The following SNX11 variants were observed in gnomAD, a reference collection of about 807,000 sequenced individuals.
SNX11 encodes the protein sorting nexin 11.
Under a neutral mutation model 30.7 loss-of-function variants are expected in SNX11, and 19 were observed. That is an observed-to-expected ratio of 0.62 (90% CI 0.43 to 0.91). The LOEUF (loss-of-function observed/expected upper bound fraction) is 0.91. SNX11 is among the 40% of genes least tolerant of loss of function. The pLI is 0.00. For missense variants in SNX11, 302 were observed against 326.7 expected (o/e 0.92, Z 0.58); for synonymous variants, 112 against 119.0 (o/e 0.94, Z 0.38).
chr17:48,120,732 C>A (rs10853096), intron 6 of SNX11, among the ~76,000 whole-genome samples: 150,961 of 150,986 alleles, frequency 1, 75,468 homozygotes, highest in Middle Eastern at 1. Context: ...GGATGGCCTC[C>A]ATCTCCTGAC....
chr17:48,123,447 T>G lies in SNX11; in HGVS notation c.*1939T>G, dbSNP rs1398077807. 2.6e-5 allele frequency among the ~76,000 whole-genome samples: 4 copies of G among 152,070 alleles called. No individual in the cohort carries two copies. The highest frequency in any genetic ancestry group is 1.9e-4 in the East Asian group (1 of 5,182). ...AAAAAAACAGCAAGCTGGGTTGGCC[T>G]TCTTCTGTTTGCTCCTTTTCTTCCT... is the stretch of plus-strand genomic sequence containing the variant. On this transcript the variant is annotated 3_prime_UTR_variant, in exon 7 of 7. Transcript: ENST00000359238.
chr17:48,117,043 C>T (rs1461012188), intron 4 of SNX11, among the ~76,000 whole-genome samples: 1 of 150,916 alleles, frequency 6.6e-6, no homozygotes, highest in Non-Finnish European at 1.5e-5. Flanking sequence ...TACTAATTTT[C>T]TTTTCTTTTC....
intron 4 of SNX11, among the ~76,000 whole-genome samples, chr17:48,116,805 A>C (rs987131612): frequency 1.2e-4 from 18 of 149,030 alleles, no homozygotes; most frequent in African/African-American, 4.2e-4. Flanking sequence ...TGACCTCATG[A>C]TCTACGTGCC....
In SNX11 at chr17:48,122,865, G is replaced by A. The variant is rs2063613917; in HGVS notation, c.*1357G>A. Reference sequence around the variant, plus strand: ...TGTGGAAATAATGCTTCAGAACTGTGCTCTGTAGCCCTCCTGCATTGTGTG... The same window carrying A: ...TGTGGAAATAATGCTTCAGAACTGTACTCTGTAGCCCTCCTGCATTGTGTG... On this transcript the variant is annotated 3_prime_UTR_variant, in exon 7 of 7. Transcript: ENST00000359238. The A allele has an allele frequency of 6.6e-6, 1 of 152,176 alleles. No individual in the cohort carries two copies. The highest frequency in any genetic ancestry group is 6.5e-5 in the Admixed American group (1 of 15,278). 9.4% of individuals were successfully genotyped at this position (152,176 alleles called of 1,614,324 possible).
chr17:48,109,763 A>G (rs1414657619), intron 1 of SNX11, among the ~76,000 whole-genome samples: 3 of 151,894 alleles, frequency 2.0e-5, no homozygotes, highest in African/African-American at 7.3e-5. Flanking sequence ...TTTTTAGTAG[A>G]GACGGAGTTT....
chr17:48,109,548 G>A (rs1463173987), intron 1 of SNX11, among the ~76,000 whole-genome samples: 1 of 150,792 alleles, frequency 6.6e-6, no homozygotes, highest in Non-Finnish European at 1.5e-5. Flanking sequence ...GTGAGCCACC[G>A]CACCCGGCCC....
intron 1 of SNX11, chr17:48,108,127 AAG>A (rs1396767151): frequency 6.6e-6 from 1 of 152,246 alleles, no homozygotes; most frequent in African/African-American, 2.4e-5. Flanking sequence ...AGAATGGAGA[AAG>A]AGTGGCCGTA....
chr17:48,108,562 A>G (rs1452438531), intron 1 of SNX11, among the ~76,000 whole-genome samples: 3 of 152,222 alleles, frequency 2.0e-5, no homozygotes, highest in Non-Finnish European at 4.4e-5. Context: ...TTGCATTGTT[A>G]CTATATTAGA....
chr17:48,121,338 G>A lies in SNX11; in HGVS notation c.643G>A (p.Val215Ile), dbSNP rs752617697. 8 of 1,613,982 alleles carry A rather than the reference G, an allele frequency of 5.0e-6. No individual in the cohort carries two copies. The African/African-American group carries it at 9.3e-5, about 19-fold the overall frequency. Reference protein sequence around the residue: ...EVWAPVVDSEVPSLESPTLPP... With the variant: ...EVWAPVVDSEIPSLESPTLPP... Reference sequence around the variant, plus strand: ...GTGGGCTCCAGTTGTTGACTCTGAGGTTCCTTCCTTGGAAAGTCCCACTCT... The same window carrying A: ...GTGGGCTCCAGTTGTTGACTCTGAGATTCCTTCCTTGGAAAGTCCCACTCT... Residue 215 changes from valine (V) to isoleucine (I), a missense_variant, in exon 7 of 7, where the codon GTT becomes ATT. Physicochemically the swap from Val to Ile is conservative, Grantham distance 29. Coordinates refer to ENST00000359238, the MANE Select transcript of SNX11 (RefSeq NM_013323.3).
intron 4 of SNX11, among the ~76,000 whole-genome samples, chr17:48,114,117 A>G (rs367651522): frequency 4.0e-5 from 6 of 151,576 alleles, no homozygotes; most frequent in East Asian, 3.9e-4. Context: ...CGGCCTCCCA[A>G]AGTGCTGGGA....
At chr17:48,113,715 T>C (rs1482270829) in intron 4 of SNX11, among the ~76,000 whole-genome samples, 2 of 151,888 alleles carry the variant, frequency 1.3e-5, no homozygotes, top group Non-Finnish European at 2.9e-5. Context: ...TTGCCTAATT[T>C]GGAAAATATT....
At chr17:48,112,184 A>G (rs1046852667) in intron 2 of SNX11, 99 bp downstream of exon 2, 113 of 1,078,386 alleles carry the variant, frequency 1.0e-4, no homozygotes, top group Non-Finnish European at 1.7e-5. Context: ...TATTACCTGC[A>G]GTATTACTTT....
rs1201439507 is a variant in SNX11 at position 48,118,759 on chromosome 17, A to G, written c.286A>G (p.Ile96Val). 2 of 1,614,102 alleles carry G rather than the reference A, an allele frequency of 1.2e-6. No individual in the cohort carries two copies. The highest frequency in any genetic ancestry group is 1.7e-6 in the Non-Finnish European group (2 of 1,179,986). The stretch of plus-strand genomic sequence containing the variant: ...CTTCTTCGGCACCTCAGATGAGTTC[A>G]TTGAGAAGCGACGACAAGGTCTGCA... ...STFFGTSDEF[I>V]EKRRQGLQHF... is the part of the protein sequence containing the mutation. Residue 96 changes from isoleucine to valine, a missense_variant, in exon 5 of 7, where the codon ATT (isoleucine) becomes GTT (valine). Physicochemically the swap from Ile to Val is conservative, Grantham distance 29. Transcript: ENST00000359238.
At chr17:48,114,072 T>G (rs1000739571) in intron 4 of SNX11, among the ~76,000 whole-genome samples, 5 of 151,402 alleles carry the variant, frequency 3.3e-5, no homozygotes, top group Admixed American at 3.3e-4. Context: ...GCCAGGCTGG[T>G]CTCAAATTCC....
chr17:48,113,232 G>C (rs888013043), intron 3 of SNX11, 69 bp from the exon 4 acceptor site: 22 of 1,256,138 alleles, frequency 1.8e-5, no homozygotes, highest in Non-Finnish European at 2.4e-5. Context: ...AGCAATGATA[G>C]GGAGCTCATG....
intron 1 of SNX11, among the ~76,000 whole-genome samples, chr17:48,108,343 A>G (rs768102199): frequency 1.3e-5 from 2 of 152,200 alleles, no homozygotes; most frequent in Non-Finnish European, 2.9e-5. Flanking sequence ...CAGAACTGGG[A>G]GCTTCCTCTG....
chr17:48,116,495 AGTT>A (rs899954482), intron 4 of SNX11, among the ~76,000 whole-genome samples: 1 of 151,952 alleles, frequency 6.6e-6, no homozygotes, highest in Non-Finnish European at 1.5e-5. Context: ...TTGGGATTAC[AGTT>A]GTGAGCCACT....
rs200265366 is a variant in SNX11, at chr17:48,118,755, G to A, written c.282G>A (p.Glu94=). Residue 94 remains glutamate, a synonymous_variant, in exon 5 of 7, where the codon GAG becomes GAA. Transcript: ENST00000359238. ...CAACCTTCTTCGGCACCTCAGATGA[G>A]TTCATTGAGAAGCGACGACAAGGTC... is the stretch of plus-strand genomic sequence containing the variant. The part of the protein sequence containing the change: ...GKSTFFGTSD[E]FIEKRRQGLQ... The A allele has an allele frequency of 1.2e-6, 2 of 1,614,112 alleles. No individual in the cohort carries two copies. Among genetic ancestry groups the A allele is most frequent in the East Asian group, 4.5e-5 (2 of 44,880 alleles).
intron 6 of SNX11, among the ~76,000 whole-genome samples, chr17:48,120,186 C>T (rs1016723603): frequency 5.0e-5 from 7 of 138,762 alleles, no homozygotes; most frequent in Non-Finnish European, 1.1e-4. Flanking sequence ...TTTATCCATT[C>T]ACTTGCATTT....
Sources: allele counts gnomAD v4.1 joint callset (sites outside exome capture counted in the v4.1 genomes callset), GRCh38; gene constraint gnomAD v4.1.1; transcripts MANE v1.5; gene names NCBI Gene and HGNC (gene_info 2026-07-23, HGNC 2026-07-21).